The following BACH2 variants were observed in gnomAD, a reference collection of about 807,000 sequenced individuals.
BACH2 encodes transcription regulator protein BACH2.
A neutral mutation model predicts 61.8 loss-of-function variants in BACH2; 5 were observed. The observed-to-expected ratio is 0.08, with a 90% confidence interval of 0.04 to 0.17. BACH2 has a LOEUF of 0.17. BACH2 is among the 10% of genes least tolerant of loss of function. The pLI is 1.00. For synonymous variants in BACH2, 446 were observed against 440.1 expected, an observed-to-expected ratio of 1.01 and a Z score of -0.17; for missense variants, 824 against 1,091.1, an observed-to-expected ratio of 0.76 and a Z score of 3.45.
intron 5 of BACH2, among the ~76,000 whole-genome samples, chr6:90,076,044 T>C (rs943800165): frequency 2.0e-5 from 3 of 151,844 alleles, no homozygotes; most frequent in African/African-American, 7.3e-5. Flanking sequence ...TAAAAGAAAA[T>C]AGAAGAAGCG....
chr6:89,993,890 T>C (rs1776713411), intron 6 of BACH2, among the ~76,000 whole-genome samples: 1 of 152,040 alleles, frequency 6.6e-6, no homozygotes, highest in African/African-American at 2.4e-5. Context: ...TAAAACCCAG[T>C]TGAGGATGGA....
chr6:90,245,485 C>T (rs1321451400), intron 3 of BACH2, among the ~76,000 whole-genome samples: 1 of 152,158 alleles, frequency 6.6e-6, no homozygotes, highest in Non-Finnish European at 1.5e-5. Flanking sequence ...GTCCCAGCTA[C>T]TCCAGAGGCT....
chr6:89,961,604 T>C (rs183854086), intron 6 of BACH2, among the ~76,000 whole-genome samples: 2 of 152,278 alleles, frequency 1.3e-5, no homozygotes, highest in East Asian at 1.9e-4. Flanking sequence ...AACCAGAAAA[T>C]ACAAAACATT....
chr6:89,933,758 T>G (rs1335044009), intron 8 of BACH2, among the ~76,000 whole-genome samples: 1 of 152,122 alleles, frequency 6.6e-6, no homozygotes, highest in Non-Finnish European at 1.5e-5. Context: ...GGCCAAGTTG[T>G]GCGGATCGCT....
At chr6:90,273,214 C>CA (rs59856221) in intron 1 of BACH2, among the ~76,000 whole-genome samples, 15,608 of 151,992 alleles carry the variant, frequency 0.1, 1,102 homozygotes, top group East Asian at 0.36. Flanking sequence ...AAAAATTAGC[C>CA]AGGCATGGTG....
intron 6 of BACH2, among the ~76,000 whole-genome samples, chr6:89,987,986 T>C (rs1163811386): frequency 1.3e-5 from 2 of 152,132 alleles, no homozygotes; most frequent in East Asian, 3.9e-4. Flanking sequence ...CTTCTCCAAG[T>C]CTCCTATAAG....
chr6:90,100,542 A>T (rs911772506), intron 4 of BACH2, among the ~76,000 whole-genome samples: 21 of 151,842 alleles, frequency 1.4e-4, no homozygotes, highest in African/African-American at 4.8e-4. Flanking sequence ...CTGACAGCAG[A>T]CTCCCTTTGG....
intron 5 of BACH2, among the ~76,000 whole-genome samples, chr6:90,075,133 T>C (rs893128909): frequency 2.6e-5 from 4 of 152,184 alleles, no homozygotes; most frequent in African/African-American, 9.7e-5. Context: ...TCCCAGTGCA[T>C]GTCATGGACG....
At chr6:90,101,830 T>C (rs1782639254) in intron 4 of BACH2, among the ~76,000 whole-genome samples, 1 of 152,246 alleles carries the variant, frequency 6.6e-6, no homozygotes, top group Admixed American at 6.5e-5. Flanking sequence ...TTAATTTCTT[T>C]CTATAGTATT....
At chr6:90,215,147 T>C (rs1769489644) in intron 3 of BACH2, among the ~76,000 whole-genome samples, 1 of 152,154 alleles carries the variant, frequency 6.6e-6, no homozygotes, top group Non-Finnish European at 1.5e-5. Flanking sequence ...TCCACAGGGA[T>C]CTAGTGTTTG....
chr6:89,977,350 T>C (rs944574994), intron 6 of BACH2, among the ~76,000 whole-genome samples: 3 of 152,248 alleles, frequency 2.0e-5, no homozygotes, highest in Admixed American at 6.5e-5. Flanking sequence ...ACTGTGCTGA[T>C]AGAGAAGTCT....
intron 6 of BACH2, among the ~76,000 whole-genome samples, chr6:89,975,838 A>G (rs145579297): frequency 4.6e-5 from 7 of 152,352 alleles, no homozygotes; most frequent in African/African-American, 1.7e-4. Context: ...AGAGGTCCCA[A>G]TAAAATATTT....
chr6:90,250,172 G>A (rs1770761046), intron 3 of BACH2, among the ~76,000 whole-genome samples: 1 of 152,168 alleles, frequency 6.6e-6, no homozygotes, highest in African/African-American at 2.4e-5. Flanking sequence ...AGTAAGTCTG[G>A]TGACCAGATC....
chr6:90,222,665 T>C (rs1484945652), intron 3 of BACH2, among the ~76,000 whole-genome samples: 4 of 152,198 alleles, frequency 2.6e-5, no homozygotes, highest in Non-Finnish European at 5.9e-5. Context: ...AAAGAACCAA[T>C]ATGGTACGTT....
chr6:90,096,748 C>T (rs1019477504), intron 4 of BACH2, among the ~76,000 whole-genome samples: 1 of 152,200 alleles, frequency 6.6e-6, no homozygotes, highest in Non-Finnish European at 1.5e-5. Flanking sequence ...TGAGCATACA[C>T]CTGCACTTGG....
In BACH2 at chr6:89,937,947, G is replaced by A. The variant is rs553054690; in HGVS notation, c.2043+197C>T. On this transcript the variant is annotated intron_variant, in intron 8 of 8. Transcript: ENST00000257749. The stretch of plus-strand genomic sequence containing the variant: ...ATTACACACCTGCGCGCATGCATGC[G>A]CGTGCAGACACACAAACACACACAC... Among the ~76,000 whole-genome samples the A allele has an allele frequency of 2.2e-4, 34 of 151,800 alleles. No individual in the cohort carries two copies. The South Asian group carries it at 5.2e-3, about 23-fold the overall frequency.
At chr6:90,057,641 T>C (rs1780440803) in intron 5 of BACH2, among the ~76,000 whole-genome samples, 1 of 152,196 alleles carries the variant, frequency 6.6e-6, no homozygotes, top group South Asian at 2.1e-4. Flanking sequence ...AGCATCATCC[T>C]GACACCAAAG....
chr6:90,175,305 T>C (rs868866376), intron 4 of BACH2, among the ~76,000 whole-genome samples: 8 of 152,180 alleles, frequency 5.3e-5, no homozygotes, highest in African/African-American at 1.9e-4. Flanking sequence ...AGTTGAGAGT[T>C]CTCATTTATA....
chr6:89,947,158 A>G (rs983998399), intron 7 of BACH2, among the ~76,000 whole-genome samples: 17 of 152,188 alleles, frequency 1.1e-4, no homozygotes, highest in Non-Finnish European at 2.1e-4. Context: ...GTTCACTTGA[A>G]AGAGAAGGCA....
Sources: allele counts gnomAD v4.1 joint callset (sites outside exome capture counted in the v4.1 genomes callset), GRCh38; gene constraint gnomAD v4.1.1; transcripts MANE v1.5; gene names NCBI Gene and HGNC (gene_info 2026-07-23, HGNC 2026-07-21).